Variants in PTPN4 observed in about 807,000 individuals in gnomAD.
The protein encoded by PTPN4 is tyrosine-protein phosphatase non-receptor type 4.
Under a neutral mutation model 135.5 loss-of-function variants are expected in PTPN4, and 49 were observed. That is an observed-to-expected ratio of 0.36 (90% CI 0.29 to 0.46). The LOEUF is 0.46. PTPN4 is among the 20% of genes least tolerant of loss of function. The pLI is 1.00. For synonymous variants in PTPN4, 333 were observed against 369.9 expected (o/e 0.90, Z 1.14); for missense variants, 860 against 1,101.0 (o/e 0.78, Z 3.10).
chr2:119,793,309 C>G (rs746283480), intron 1 of PTPN4, among the ~76,000 whole-genome samples: 1 of 152,200 alleles, frequency 6.6e-6, no homozygotes, highest in Non-Finnish European at 1.5e-5. Flanking sequence ...CCGTTTTCAG[C>G]AATAAGAGAA....
intron 9 of PTPN4, among the ~76,000 whole-genome samples, chr2:119,893,571 A>C (rs1370076759): frequency 6.6e-6 from 1 of 152,198 alleles, no homozygotes; most frequent in Non-Finnish European, 1.5e-5. Context: ...ATGAGATGAG[A>C]GCACTGAGGA....
chr2:119,774,514 A>G (rs1165185343), intron 1 of PTPN4, among the ~76,000 whole-genome samples: 1 of 152,210 alleles, frequency 6.6e-6, no homozygotes, highest in East Asian at 1.9e-4. Flanking sequence ...CAGGATTGCT[A>G]TTAGAAAGGC....
intron 6 of PTPN4, 33 bp from the exon 7 acceptor site, chr2:119,882,064 C>T (rs1170294293): frequency 1.9e-6 from 3 of 1,555,948 alleles, no homozygotes; most frequent in African/African-American, 2.7e-5. Context: ...TATGTTTAAC[C>T]TTCGGTTGTG....
chr2:119,882,622 A>T lies in PTPN4; in HGVS notation c.586A>T (p.Ile196Leu). Reference protein sequence around the residue: ...KEIAKLHQQHIGLSPAEAEFN... With the variant: ...KEIAKLHQQHLGLSPAEAEFN... ...AATTGCAAAATTACATCAGCAACAC[A>T]TGTAAGAGTTTTTTAGTTTTTTATT... The change falls in exon 8 of 27, where the codon ATA (isoleucine) becomes TTA (leucine). Residue 196 changes from isoleucine (I) to leucine (L), a missense_variant and splice_region_variant. Ile to Leu is a conservative substitution (Grantham distance 5). Transcript: ENST00000263708. 2 of 1,513,572 alleles carry T rather than the reference A, an allele frequency of 1.3e-6. No individual in the cohort carries two copies. Among genetic ancestry groups the T allele is most frequent in the Non-Finnish European group, 1.8e-6 (2 of 1,118,150 alleles). The allele number at this position is 1,513,572 out of a possible 1,614,324, so 93.8% of individuals were successfully genotyped here.
chr2:119,941,770 T>G (rs1679065402), intron 15 of PTPN4, among the ~76,000 whole-genome samples: 1 of 152,168 alleles, frequency 6.6e-6, no homozygotes, highest in Non-Finnish European at 1.5e-5. Flanking sequence ...ACCTCAGCAT[T>G]TATACTTGGG....
intron 1 of PTPN4, among the ~76,000 whole-genome samples, chr2:119,804,802 G>T (rs1016641690): frequency 6.6e-6 from 1 of 152,156 alleles, no homozygotes; most frequent in Non-Finnish European, 1.5e-5. Context: ...CCCAGTAATG[G>T]GATCTTTGGG....
At position 119,932,404 on chromosome 2, in the gene PTPN4, TATTTA is replaced by T; in HGVS notation, c.1071-14_1071-10del. 1.3e-6 allele frequency: 2 copies of T among 1,554,254 alleles called. No homozygotes were observed. The highest frequency in any genetic ancestry group is 1.7e-6 in the Non-Finnish European group (2 of 1,151,000). On this transcript the variant is annotated splice_polypyrimidine_tract_variant and intron_variant, in intron 13 of 26. Coordinates refer to ENST00000263708, the MANE Select transcript of PTPN4 (RefSeq NM_002830.4). ...TATAAAAATAAAACTTTTAACATATTATTTAATTTATTTCTGCAGATCCCCAAGTA... is the reference window on the plus strand; with the variant it reads ...TATAAAAATAAAACTTTTAACATATTATTTATTTCTGCAGATCCCCAAGTA...
intron 9 of PTPN4, among the ~76,000 whole-genome samples, chr2:119,893,160 G>T (rs1276929266): frequency 6.6e-6 from 1 of 152,122 alleles, no homozygotes; most frequent in Non-Finnish European, 1.5e-5. Context: ...TATACTATAA[G>T]ATACTAAGGG....
intron 11 of PTPN4, among the ~76,000 whole-genome samples, chr2:119,919,417 C>T (rs1244378492): frequency 6.6e-6 from 1 of 151,860 alleles, no homozygotes. Context: ...TAATTTATGG[C>T]CTAGAATTAT....
intron 18 of PTPN4, among the ~76,000 whole-genome samples, chr2:119,951,349 TTGC>T (rs1276316898): frequency 6.6e-6 from 1 of 152,222 alleles, no homozygotes; most frequent in Non-Finnish European, 1.5e-5. Flanking sequence ...ATTATTCACT[TTGC>T]TGCACTTTCA....
chr2:119,922,997 T>A (rs1337816967), intron 12 of PTPN4, among the ~76,000 whole-genome samples: 1 of 152,232 alleles, frequency 6.6e-6, no homozygotes, highest in African/African-American at 2.4e-5. Flanking sequence ...GAATATGTAA[T>A]AATGTTGCTT....
chr2:119,810,390 T>C (rs1691556030), intron 2 of PTPN4, among the ~76,000 whole-genome samples: 1 of 152,252 alleles, frequency 6.6e-6, no homozygotes, highest in African/African-American at 2.4e-5. Flanking sequence ...TGATCTTATC[T>C]ATCGTCTGAA....
chr2:119,810,307 T>C (rs1217649018), intron 2 of PTPN4, among the ~76,000 whole-genome samples: 3 of 152,210 alleles, frequency 2.0e-5, no homozygotes, highest in Non-Finnish European at 4.4e-5. Context: ...AAATAATTTA[T>C]ACATATTCAT....
chr2:119,782,512 C>T (rs1039813998), intron 1 of PTPN4, among the ~76,000 whole-genome samples: 2 of 151,938 alleles, frequency 1.3e-5, no homozygotes, highest in Non-Finnish European at 2.9e-5. Context: ...TAGGACAGTA[C>T]AGATTATAGA....
At chr2:119,900,141 T>C (rs1019233990) in intron 9 of PTPN4, among the ~76,000 whole-genome samples, 2 of 152,154 alleles carry the variant, frequency 1.3e-5, no homozygotes, top group Non-Finnish European at 2.9e-5. Flanking sequence ...CTCTCACTCA[T>C]TCTTCAAGGC....
In PTPN4 at chr2:119,779,880, G is replaced by A. The variant is rs181899623; in HGVS notation, c.-18+19496G>A. Among the ~76,000 whole-genome samples the A allele has an allele frequency of 3.6e-3, 548 of 152,094 alleles. 4 individuals carry two copies. The highest frequency in any genetic ancestry group is 0.014 in the Middle Eastern group (4 of 294). ...CCACCTCAGCCTTCTGGGTAGTTGGGACCACAGTCACTCACCACCACTCCT... is the reference window on the plus strand; with the variant it reads ...CCACCTCAGCCTTCTGGGTAGTTGGAACCACAGTCACTCACCACCACTCCT... On this transcript the variant is annotated intron_variant, in intron 1 of 26. Transcript: ENST00000263708.
intron 1 of PTPN4, among the ~76,000 whole-genome samples, chr2:119,809,244 T>C (rs1217233225): frequency 1.3e-5 from 2 of 152,040 alleles, no homozygotes; most frequent in Non-Finnish European, 2.9e-5. Flanking sequence ...CCATCTAGTT[T>C]TTATCTCTTA....
chr2:119,819,291 T>C (rs1677032883), intron 2 of PTPN4, among the ~76,000 whole-genome samples: 1 of 152,222 alleles, frequency 6.6e-6, no homozygotes, highest in African/African-American at 2.4e-5. Context: ...AAATGTTACA[T>C]ACATGTTTTA....
Position 119,956,748 on chromosome 2 carries a change from A to G in PTPN4, c.1981-96A>G, listed in dbSNP as rs1679293280. 7 of 1,563,702 alleles carry G rather than the reference A, an allele frequency of 4.5e-6. No homozygotes were observed. The South Asian group carries it at 8.5e-5, about 19-fold the overall frequency. On this transcript the variant is annotated intron_variant, in intron 20 of 26. Transcript: ENST00000263708. ...TAGATGACCTATTCAAAGGCAAAGA[A>G]ACCTGTTTCCTGTTAGTGTAGAAAC...
Sources: gnomAD v4.1 joint callset for allele counts (sites outside exome capture counted in the v4.1 genomes callset) on GRCh38, gnomAD v4.1.1 for gene constraint, MANE v1.5 for transcripts, NCBI Gene and HGNC (gene_info 2026-07-23, HGNC 2026-07-21) for gene names.